GRM8: variants seen among roughly 807,000 people sequenced by gnomAD.
GRM8 encodes the protein metabotropic glutamate receptor 8.
GRM8 carries 47 observed loss-of-function variants against 87.2 expected under a neutral mutation model. That is an observed-to-expected ratio of 0.54 (90% CI 0.43 to 0.69). The LOEUF is 0.69. GRM8 is among the 30% of genes least tolerant of loss of function. GRM8 has a pLI of 0.00. For missense variants in GRM8, 1,019 were observed against 1,139.2 expected (o/e 0.89, Z 1.52); for synonymous variants, 396 against 404.5 (o/e 0.98, Z 0.25).
intron 8 of GRM8, among the ~76,000 whole-genome samples, chr7:126,554,679 G>T (rs1201248083): frequency 6.6e-6 from 1 of 152,050 alleles, no homozygotes; most frequent in African/African-American, 2.4e-5. Context: ...GAAATAGTCT[G>T]CTTAGAGGAA....
At chr7:127,057,558 A>G (rs1820121728) in intron 3 of GRM8, among the ~76,000 whole-genome samples, 1 of 152,216 alleles carries the variant, frequency 6.6e-6, no homozygotes, top group Admixed American at 6.5e-5. Flanking sequence ...ACATATACAA[A>G]GTAAAACATA....
At chr7:127,148,885 A>G (rs898715423) in intron 2 of GRM8, among the ~76,000 whole-genome samples, 1 of 152,064 alleles carries the variant, frequency 6.6e-6, no homozygotes, top group Non-Finnish European at 1.5e-5. Flanking sequence ...GGATTTCCAC[A>G]TGGAAAAGAA....
chr7:126,470,174 ATT>A (rs1178456619), intron 9 of GRM8, among the ~76,000 whole-genome samples: 1 of 151,884 alleles, frequency 6.6e-6, no homozygotes, highest in Non-Finnish European at 1.5e-5. Flanking sequence ...TGGCAGAAGA[ATT>A]TCTTTTTTTT....
At chr7:126,723,901 A>C (rs747865699) in intron 7 of GRM8, among the ~76,000 whole-genome samples, 1 of 152,162 alleles carries the variant, frequency 6.6e-6, no homozygotes, top group African/African-American at 2.4e-5. Context: ...GAAGGAAAAA[A>C]TCAGAAACTG....
At chr7:126,440,566 C>G (rs1344205289) in intron 10 of GRM8, among the ~76,000 whole-genome samples, 1 of 151,924 alleles carries the variant, frequency 6.6e-6, no homozygotes, top group African/African-American at 2.4e-5. Flanking sequence ...CATTTTTTAT[C>G]TTGTATACTC....
At chr7:126,872,032 C>T (rs1799144224) in intron 6 of GRM8, among the ~76,000 whole-genome samples, 1 of 152,138 alleles carries the variant, frequency 6.6e-6, no homozygotes, top group South Asian at 2.1e-4. Flanking sequence ...CCAGCCCACA[C>T]CCAGGGACCC....
At chr7:127,242,473 A>AAT (rs1311024206) in intron 2 of GRM8, among the ~76,000 whole-genome samples, 1 of 152,068 alleles carries the variant, frequency 6.6e-6, no homozygotes, top group Non-Finnish European at 1.5e-5. Flanking sequence ...TGTTCAGGAA[A>AAT]AAAAAAAAAG....
intron 9 of GRM8, among the ~76,000 whole-genome samples, chr7:126,448,501 T>C (rs1270831399): frequency 6.6e-6 from 1 of 151,962 alleles, no homozygotes; most frequent in Non-Finnish European, 1.5e-5. Flanking sequence ...TGCCAAATAT[T>C]AGACATGAAG....
chr7:127,032,770 G>C (rs1817500826), intron 3 of GRM8, among the ~76,000 whole-genome samples: 1 of 152,158 alleles, frequency 6.6e-6, no homozygotes, highest in South Asian at 2.1e-4. Flanking sequence ...TTGGGTACAA[G>C]AGGGGATGAC....
intron 2 of GRM8, among the ~76,000 whole-genome samples, chr7:127,124,516 C>T (rs1286985822): frequency 6.6e-6 from 1 of 152,096 alleles, no homozygotes; most frequent in Non-Finnish European, 1.5e-5. Flanking sequence ...CTGACCTGAG[C>T]CCCAATATTT....
intron 6 of GRM8, among the ~76,000 whole-genome samples, chr7:126,799,691 C>G (rs980181020): frequency 6.6e-6 from 1 of 152,088 alleles, no homozygotes; most frequent in African/African-American, 2.4e-5. Context: ...TATTAGTAAC[C>G]GAAGTACTGC....
At chr7:126,522,893 T>C (rs1813209299) in intron 9 of GRM8, among the ~76,000 whole-genome samples, 1 of 152,214 alleles carries the variant, frequency 6.6e-6, no homozygotes, top group African/African-American at 2.4e-5. Context: ...TCCCCCTGAC[T>C]TGACCCTTAA....
chr7:126,855,511 C>A (rs1012414312), intron 6 of GRM8, among the ~76,000 whole-genome samples: 1 of 149,826 alleles, frequency 6.7e-6, no homozygotes, highest in Non-Finnish European at 1.5e-5. Context: ...TCGTTCTATC[C>A]CCCAGCCAGG....
At chr7:126,632,010 C>T (rs1429600688) in intron 7 of GRM8, among the ~76,000 whole-genome samples, 2 of 151,976 alleles carry the variant, frequency 1.3e-5, no homozygotes, top group African/African-American at 4.8e-5. Flanking sequence ...GCAATTGCAA[C>T]AAAAGGAAAA....
At chr7:127,144,757 T>G (rs1236159324) in intron 2 of GRM8, among the ~76,000 whole-genome samples, 1 of 152,122 alleles carries the variant, frequency 6.6e-6, no homozygotes, top group East Asian at 1.9e-4. Context: ...CATAATCAAT[T>G]TCTTTACTTA....
intron 9 of GRM8, among the ~76,000 whole-genome samples, chr7:126,472,342 T>C (rs1805370156): frequency 6.6e-6 from 1 of 152,138 alleles, no homozygotes. Context: ...ATAGCTCTTA[T>C]TATTTTGAAA....
chr7:126,897,667 C>T (rs71576302), intron 6 of GRM8, among the ~76,000 whole-genome samples: 17 of 151,698 alleles, frequency 1.1e-4, no homozygotes, highest in Non-Finnish European at 1.6e-4. Context: ...TTTTTCTTCT[C>T]GAGAAAGACA....
At chr7:126,935,260 G>A (rs1184975333) in intron 3 of GRM8, among the ~76,000 whole-genome samples, 2 of 124,156 alleles carry the variant, frequency 1.6e-5, no homozygotes, top group African/African-American at 3.0e-5. Flanking sequence ...TAGGGCTTTA[G>A]GTTGAAGAGG....
intron 7 of GRM8, among the ~76,000 whole-genome samples, chr7:126,651,715 A>T (rs1229473881): frequency 6.6e-6 from 1 of 152,212 alleles, no homozygotes; most frequent in Non-Finnish European, 1.5e-5. Flanking sequence ...AGGGAGTTAC[A>T]GTGTTAGCTG....
Sources: allele counts gnomAD v4.1 joint callset (sites outside exome capture counted in the v4.1 genomes callset), GRCh38; gene constraint gnomAD v4.1.1; transcripts MANE v1.5; gene names NCBI Gene and HGNC (gene_info 2026-07-23, HGNC 2026-07-21).